Variants in ANKRD30BL observed in about 807,000 individuals in gnomAD.
The protein encoded by ANKRD30BL is putative ankyrin repeat domain-containing protein 30B-like.
In ANKRD30BL, 20 loss-of-function variants were observed where a neutral mutation model predicts 18.4. The observed-to-expected ratio is 1.09, with a 90% confidence interval of 0.77 to 1.58. The LOEUF is 1.58. ANKRD30BL is among the 40% of genes most tolerant of loss of function. ANKRD30BL has a pLI of 0.00. For synonymous variants in ANKRD30BL, 72 were observed against 100.9 expected, an observed-to-expected ratio of 0.71 and a Z score of 1.72; for missense variants, 224 against 268.6, an observed-to-expected ratio of 0.83 and a Z score of 1.16.
intron 1 of ANKRD30BL, among the ~76,000 whole-genome samples, chr2:132,213,445 C>T (rs1406195147): frequency 1.3e-5 from 2 of 151,828 alleles, no homozygotes; most frequent in Non-Finnish European, 2.9e-5. Flanking sequence ...ATTTGGTGTG[C>T]TTTGAGGCAT....
At chr2:132,234,522 A>G (rs1458677494) in intron 1 of ANKRD30BL, among the ~76,000 whole-genome samples, 1 of 152,212 alleles carries the variant, frequency 6.6e-6, no homozygotes, top group East Asian at 1.9e-4. Context: ...CCGATCTCAC[A>G]GAAATACAAA....
chr2:132,182,511 T>C (rs865911114), intron 1 of ANKRD30BL, among the ~76,000 whole-genome samples: 3 of 151,982 alleles, frequency 2.0e-5, no homozygotes, highest in Middle Eastern at 3.4e-3. Flanking sequence ...ATTTGTGAAT[T>C]TGTATGCAGT....
At chr2:132,187,172 G>GT (rs1407000925) in intron 1 of ANKRD30BL, among the ~76,000 whole-genome samples, 5,284 of 79,862 alleles carry the variant, frequency 0.066, 315 homozygotes, top group African/African-American at 0.22. Flanking sequence ...GAAGTTTTTT[G>GT]TTTTTTTTTT....
Position 132,190,514 on chromosome 2 carries a change from A to G in ANKRD30BL, n.442-33368T>C, listed in dbSNP as rs534036273. The stretch of plus-strand genomic sequence containing the variant: ...TCATAGTATCCAAAATTTGGAACAG[A>G]ATTGGATGATAGTTGTAGGTCAAGT... On this transcript the variant is annotated intron_variant and non_coding_transcript_variant, in intron 1 of 4. Coordinates refer to the ANKRD30BL transcript ENST00000470729. Among the ~76,000 whole-genome samples the G allele has an allele frequency of 1.2e-4, 18 of 151,732 alleles. No homozygotes were observed. The East Asian group carries it at 3.5e-3, about 29-fold the overall frequency.
At chr2:132,214,206 G>A (rs79675291) in intron 1 of ANKRD30BL, among the ~76,000 whole-genome samples, 1 of 124,540 alleles carries the variant, frequency 8.0e-6, no homozygotes, top group Non-Finnish European at 1.7e-5. Flanking sequence ...CTTTGCGATT[G>A]GTGTATTCAT....
intron 1 of ANKRD30BL, among the ~76,000 whole-genome samples, chr2:132,200,625 C>T (rs1463870192): frequency 6.6e-6 from 1 of 152,136 alleles, no homozygotes; most frequent in Non-Finnish European, 1.5e-5. Context: ...CTACAAACCA[C>T]TGCTCAAGGA....
At chr2:132,202,088 A>G (rs565483737) in intron 1 of ANKRD30BL, among the ~76,000 whole-genome samples, 10 of 152,310 alleles carry the variant, frequency 6.6e-5, no homozygotes, top group Admixed American at 5.9e-4. Context: ...TGGGAATTGA[A>G]CAATGAGAAC....
chr2:132,153,306 A>G (rs1687811757), intron 4 of ANKRD30BL, among the ~76,000 whole-genome samples: 1 of 152,202 alleles, frequency 6.6e-6, no homozygotes, highest in Non-Finnish European at 1.5e-5. Context: ...TCGAGACCCA[A>G]ATAACTAATT....
chr2:132,190,146 AC>A (rs1321766255), intron 1 of ANKRD30BL, among the ~76,000 whole-genome samples: 1 of 152,164 alleles, frequency 6.6e-6, no homozygotes, highest in African/African-American at 2.4e-5. Flanking sequence ...ACATTATAAA[AC>A]TTCATCTTAA....
intron 1 of ANKRD30BL, among the ~76,000 whole-genome samples, chr2:132,212,148 T>C (rs1174359370): frequency 1.3e-5 from 2 of 150,056 alleles, no homozygotes; most frequent in East Asian, 3.9e-4. Context: ...CTCACAGTGT[T>C]GAACATTTTT....
chr2:132,183,517 C>T (rs6744339), intron 1 of ANKRD30BL, among the ~76,000 whole-genome samples: 46,462 of 151,764 alleles, frequency 0.31, 7,388 homozygotes, highest in South Asian at 0.39. Context: ...TGCCAAGTTA[C>T]CACCAGGCAG....
chr2:132,237,368 G>T lies in ANKRD30BL; in HGVS notation n.441+20161C>A, dbSNP rs369203797. On this transcript the variant is annotated intron_variant and non_coding_transcript_variant, in intron 1 of 4. Transcript: ENST00000470729. ...GTTAAAACTTTCCTTTGATACAGCAGTTTTGAAACACTCTTCTTGTTGAAT... is the reference window on the plus strand; with the variant it reads ...GTTAAAACTTTCCTTTGATACAGCATTTTTGAAACACTCTTCTTGTTGAAT... Among the ~76,000 whole-genome samples, 3 of 152,022 alleles carry T rather than the reference G, an allele frequency of 2.0e-5. No homozygotes were observed. In the East Asian group the frequency reaches 5.8e-4, roughly 29 times the overall value.
In ANKRD30BL at chr2:132,221,551, G is replaced by A. The variant is rs572497530; in HGVS notation, n.441+35978C>T. Among the ~76,000 whole-genome samples the A allele has an allele frequency of 1.8e-4, 23 of 130,794 alleles. No homozygotes were observed. In the East Asian group the frequency reaches 3.8e-3, roughly 22 times the overall value. The allele number at this position is 130,794 out of a possible 152,430, so 85.8% of individuals were successfully genotyped here. On this transcript the variant is annotated intron_variant and non_coding_transcript_variant, in intron 1 of 4. Transcript: ENST00000470729. ...CCCCGTCCGGGAGGGAGGTGGGGGG[G>A]TCAGCCCCCCGCCCGGCCAGCCGCC...
intron 1 of ANKRD30BL, among the ~76,000 whole-genome samples, chr2:132,201,127 C>T (rs1003026808): frequency 6.6e-6 from 1 of 152,034 alleles, no homozygotes; most frequent in African/African-American, 2.4e-5. Context: ...TTCCTTACAC[C>T]TTATACAAAA....
intron 1 of ANKRD30BL, among the ~76,000 whole-genome samples, chr2:132,187,834 T>C (rs907363010): frequency 5.3e-5 from 8 of 151,652 alleles, no homozygotes; most frequent in African/African-American, 1.7e-4. Flanking sequence ...TTTCAGCTCA[T>C]TGCAACCTCC....
At chr2:132,227,978 T>C (rs1196593501) in intron 1 of ANKRD30BL, among the ~76,000 whole-genome samples, 1 of 152,128 alleles carries the variant, frequency 6.6e-6, no homozygotes, top group Non-Finnish European at 1.5e-5. Context: ...TGTGCATTCA[T>C]CTCACAGGGT....
At chr2:132,246,232 C>T (rs1259801885) in intron 1 of ANKRD30BL, among the ~76,000 whole-genome samples, 1 of 151,304 alleles carries the variant, frequency 6.6e-6, no homozygotes, top group Non-Finnish European at 1.5e-5. Flanking sequence ...TTGCAACACT[C>T]TTTTTGTAGA....
chr2:132,180,114 C>T (rs576115240), intron 1 of ANKRD30BL, among the ~76,000 whole-genome samples: 5,004 of 152,156 alleles, frequency 0.033, 267 homozygotes, highest in African/African-American at 0.11. Flanking sequence ...CAACAGTGCC[C>T]GTAATGTCCT....
chr2:132,167,996 T>G (rs1688218700), intron 1 of ANKRD30BL, among the ~76,000 whole-genome samples: 2 of 152,312 alleles, frequency 1.3e-5, no homozygotes, highest in South Asian at 4.1e-4. Context: ...CTTTAATTTA[T>G]TCTTTTTCAT....
Sources: allele counts gnomAD v4.1 joint callset (sites outside exome capture counted in the v4.1 genomes callset), GRCh38; gene constraint gnomAD v4.1.1; transcripts MANE v1.5; gene names NCBI Gene and HGNC (gene_info 2026-07-23, HGNC 2026-07-21).